Variants in TENM3 observed in about 807,000 individuals in gnomAD.
TENM3 encodes the protein teneurin-3.
In TENM3, 63 loss-of-function variants were observed where a neutral mutation model predicts 255.1. That is an observed-to-expected ratio of 0.25 (90% CI 0.20 to 0.30). The LOEUF is 0.30. TENM3 is among the 10% of genes least tolerant of loss of function. The probability of loss-of-function intolerance (pLI) is 1.00; values close to 1 mark genes in which losing one functional copy is unlikely to be tolerated. For synonymous variants in TENM3, 1,306 were observed against 1,322.3 expected (o/e 0.99, Z 0.27); for missense variants, 2,929 against 3,461.1 (o/e 0.85, Z 3.86).
At chr4:182,696,526 A>G (rs1757432893) in intron 12 of TENM3, among the ~76,000 whole-genome samples, 1 of 152,062 alleles carries the variant, frequency 6.6e-6, no homozygotes, top group Non-Finnish European at 1.5e-5. Context: ...GGAGATCGGG[A>G]CCATCCTGAC....
chr4:182,678,670 A>C (rs1408291013), intron 7 of TENM3, among the ~76,000 whole-genome samples: 1 of 152,196 alleles, frequency 6.6e-6, no homozygotes, highest in East Asian at 1.9e-4. Context: ...GTAAAGTGCA[A>C]ATGTTAAAGC....
the TENM3 span, among the ~76,000 whole-genome samples, chr4:181,805,972 C>G: frequency 1.3e-5 from 2 of 152,102 alleles, no homozygotes; most frequent in Non-Finnish European, 2.9e-5. Context: ...GAGTCCCTCC[C>G]CTAAGCCATC....
chr4:182,097,792 CTT>C, the TENM3 span, among the ~76,000 whole-genome samples: 2 of 152,140 alleles, frequency 1.3e-5, no homozygotes, highest in African/African-American at 2.4e-5. Context: ...ACCATTGTCT[CTT>C]GTTTGGTTCC....
At chr4:182,405,154 A>T (rs1245123209) in intron 3 of TENM3, among the ~76,000 whole-genome samples, 1 of 152,184 alleles carries the variant, frequency 6.6e-6, no homozygotes, top group Non-Finnish European at 1.5e-5. Context: ...AAAAGGCTTC[A>T]TGGACTTCCA....
chr4:182,162,001 C>A (rs1751381624), intron 1 of TENM3, among the ~76,000 whole-genome samples: 1 of 120,922 alleles, frequency 8.3e-6, no homozygotes, highest in Non-Finnish European at 1.6e-5. Context: ...ATATATGATG[C>A]AAACATACAT....
At chr4:182,373,123 G>A (rs745600796) in intron 3 of TENM3, among the ~76,000 whole-genome samples, 8 of 152,260 alleles carry the variant, frequency 5.3e-5, no homozygotes, top group East Asian at 1.9e-4. Flanking sequence ...TTGACCTCCC[G>A]ATAAAGAAGG....
intron 3 of TENM3, among the ~76,000 whole-genome samples, chr4:182,421,483 C>T (rs1770829112): frequency 6.6e-6 from 1 of 152,086 alleles, no homozygotes. Flanking sequence ...AGTCTTAATT[C>T]CCCTTTGTTG....
chr4:182,077,043 C>G, the TENM3 span, among the ~76,000 whole-genome samples: 42 of 152,288 alleles, frequency 2.8e-4, no homozygotes, highest in African/African-American at 9.9e-4. Context: ...TTGACAGTCA[C>G]GGACACAGCA....
At chr4:182,429,693 C>A (rs547343805) in intron 3 of TENM3, among the ~76,000 whole-genome samples, 1 of 152,280 alleles carries the variant, frequency 6.6e-6, no homozygotes, top group East Asian at 1.9e-4. Flanking sequence ...CAGTGGTCAT[C>A]TAACAGCTGC....
chr4:181,459,189 G>T, the TENM3 span, among the ~76,000 whole-genome samples: 1 of 151,776 alleles, frequency 6.6e-6, no homozygotes, highest in African/African-American at 2.4e-5. Flanking sequence ...TATTAGTTAT[G>T]GGATAGCTTC....
At chr4:182,430,868 T>C (rs1379907822) in intron 3 of TENM3, among the ~76,000 whole-genome samples, 4 of 151,398 alleles carry the variant, frequency 2.6e-5, no homozygotes, top group Non-Finnish European at 4.4e-5. Flanking sequence ...AAAAATTAAC[T>C]GGGCATGGTG....
chr4:181,682,244 C>T, the TENM3 span, among the ~76,000 whole-genome samples: 1 of 152,118 alleles, frequency 6.6e-6, no homozygotes, highest in African/African-American at 2.4e-5. Flanking sequence ...TATCATCGAA[C>T]GCAAAATCTC....
chr4:182,500,514 G>C (rs893464944), intron 3 of TENM3, among the ~76,000 whole-genome samples: 4 of 152,226 alleles, frequency 2.6e-5, no homozygotes, highest in South Asian at 4.2e-4. Context: ...CTTCTGATGG[G>C]ATTTGTTTAC....
At chr4:181,697,756 T>G in the TENM3 span, among the ~76,000 whole-genome samples, 1 of 152,212 alleles carries the variant, frequency 6.6e-6, no homozygotes, top group Admixed American at 6.5e-5. Flanking sequence ...TATTAAACAC[T>G]ATTAAGTGAA....
intron 1 of TENM3, among the ~76,000 whole-genome samples, chr4:182,314,870 GA>G (rs1330308249): frequency 2.6e-5 from 4 of 152,012 alleles, no homozygotes; most frequent in African/African-American, 9.7e-5. Context: ...ACCTTCTTTT[GA>G]TTAGTTGTAT....
At chr4:182,023,011 A>G in the TENM3 span, among the ~76,000 whole-genome samples, 1 of 152,212 alleles carries the variant, frequency 6.6e-6, no homozygotes, top group African/African-American at 2.4e-5. Context: ...CAGTGCTGTC[A>G]GCAGCAGACC....
intron 4 of TENM3, among the ~76,000 whole-genome samples, chr4:182,601,486 C>T (rs1049212383): frequency 6.6e-6 from 1 of 152,124 alleles, no homozygotes; most frequent in Non-Finnish European, 1.5e-5. Flanking sequence ...AAATGTTATT[C>T]TCAGTTGCAT....
chr4:182,613,619 A>G (rs1193535203), intron 4 of TENM3, among the ~76,000 whole-genome samples: 1 of 152,190 alleles, frequency 6.6e-6, no homozygotes, highest in Non-Finnish European at 1.5e-5. Context: ...TCACAAAAAT[A>G]TATTTCCCCC....
rs1761214667 is a variant in TENM3, at chr4:182,736,902, C to T, written c.3062C>T (p.Thr1021Ile). 6.2e-7 allele frequency: 1 copy of T among 1,613,706 alleles called. No individual in the cohort carries two copies. Among genetic ancestry groups the T allele is most frequent in the Non-Finnish European group, 8.5e-7 (1 of 1,179,790 alleles). Reference sequence around the variant, plus strand: ...GGGTATAAGTCAGTTCTCAAGATCACCATGACCCAGTCTATTATTCCATTT... The same window carrying T: ...GGGTATAAGTCAGTTCTCAAGATCATCATGACCCAGTCTATTATTCCATTT... ...AAGYKSVLKI[T>I]MTQSIIPFNL... Residue 1021 changes from threonine (T) to isoleucine (I), a missense_variant, in exon 17 of 28, where the codon ACC becomes ATC. Physicochemically the swap from Thr to Ile is moderately conservative, Grantham distance 89. Around this residue, in one of 6 missense-constraint regions of TENM3, gnomAD observed 1,608 missense variants for 1,884.4 expected, o/e 0.85. Transcript: ENST00000511685.
Sources: allele counts gnomAD v4.1 joint callset (sites outside exome capture counted in the v4.1 genomes callset), GRCh38; gene constraint gnomAD v4.1.1; regional missense constraint gnomAD v4.1.1; transcripts MANE v1.5; gene names NCBI Gene and HGNC (gene_info 2026-07-23, HGNC 2026-07-21).